The following TRPM6 variants were observed in gnomAD, a reference collection of about 807,000 sequenced individuals.
TRPM6 encodes channel kinase 2.
Under a neutral mutation model 247.6 loss-of-function variants are expected in TRPM6, and 111 were observed. The observed-to-expected ratio is 0.45, with a 90% CI of 0.38 to 0.52. TRPM6 has a LOEUF of 0.52. TRPM6 is among the 20% of genes least tolerant of loss of function. TRPM6 has a pLI of 0.00. For synonymous variants in TRPM6, 892 were observed against 853.8 expected, an observed-to-expected ratio of 1.04 and a Z score of -0.78; for missense variants, 2,126 against 2,421.5, an observed-to-expected ratio of 0.88 and a Z score of 2.56.
chr9:74,752,438 T>C, intron 28 of TRPM6, 70 bp from the exon 29 acceptor site: 3 of 889,600 alleles, frequency 3.4e-6, no homozygotes, highest in Admixed American at 2.0e-5. Context: ...AGTTCCCAAA[T>C]AGAAAAATCT....
Position 74,796,801 on chromosome 9 carries a change from G to A in TRPM6, c.2331C>T (p.Phe777=). The change falls in exon 18 of 39, where the codon TTC becomes TTT. Residue 777 remains phenylalanine (F), a synonymous_variant. Transcript: ENST00000360774. ...GGTCACTGTAATACCACATAAATTG[G>A]AAGTCCTGGGACTGGGGAACATGTG... is the stretch of plus-strand genomic sequence containing the variant. ...EMSHVPQSQD[F]QFMWYYSDQN... is the part of the protein sequence containing the mutation. 1.2e-6 allele frequency: 2 copies of A among 1,613,972 alleles called. No homozygotes were observed. The highest frequency in any genetic ancestry group is 1.7e-6 in the Non-Finnish European group (2 of 1,179,908).
chr9:74,792,878 TG>T (rs900132241), intron 18 of TRPM6, 108 bp from the exon 19 acceptor site: 8 of 1,121,658 alleles, frequency 7.1e-6, no homozygotes, highest in African/African-American at 6.2e-5. Flanking sequence ...ATTAGTTGGC[TG>T]GGGGCGGTGG....
intron 3 of TRPM6, among the ~76,000 whole-genome samples, chr9:74,853,292 C>T (rs568598625): frequency 4.5e-4 from 68 of 151,926 alleles, no homozygotes; most frequent in Admixed American, 1.2e-3. Context: ...CGTCTCCGCC[C>T]GGCAGCCGCC....
intron 6 of TRPM6, among the ~76,000 whole-genome samples, chr9:74,828,710 C>T (rs1313703723): frequency 6.7e-6 from 1 of 150,274 alleles, no homozygotes; most frequent in African/African-American, 2.5e-5. Context: ...CTCACTGCAA[C>T]CTTAGCCTCC....
chr9:74,883,635 G>A (rs1831434959), intron 1 of TRPM6, among the ~76,000 whole-genome samples: 1 of 152,036 alleles, frequency 6.6e-6, no homozygotes, highest in Non-Finnish European at 1.5e-5. Flanking sequence ...GTATTGACAT[G>A]GAAAAATCTA....
In TRPM6 at chr9:74,858,532, G is replaced by A. The variant is rs1474369062; in HGVS notation, c.113+137C>T. On this transcript the variant is annotated intron_variant, in intron 2 of 38. Transcript: ENST00000360774. ...AATAATCATGTATTATTTTTATAAA[G>A]TGAAAGAAATAAACATTGAAAATTC... 7 of 592,270 alleles carry A rather than the reference G, an allele frequency of 1.2e-5. No individual in the cohort carries two copies. The Admixed American group carries it at 1.9e-4, about 16-fold the overall frequency. 36.7% of individuals were successfully genotyped at this position (592,270 alleles called of 1,614,324 possible). A position where few individuals can be genotyped will look rare whatever the true frequency, so the allele number is the denominator to read the frequency against.
At chr9:74,886,340 G>A (rs1831527376) in intron 1 of TRPM6, among the ~76,000 whole-genome samples, 1 of 152,132 alleles carries the variant, frequency 6.6e-6, no homozygotes, top group African/African-American at 2.4e-5. Flanking sequence ...TATCAGTCCT[G>A]TAAGAACCCA....
At chr9:74,824,865 C>A (rs941218542) in intron 7 of TRPM6, among the ~76,000 whole-genome samples, 7 of 151,956 alleles carry the variant, frequency 4.6e-5, no homozygotes, top group African/African-American at 1.7e-4. Context: ...ATTCCTACAG[C>A]AACTTTATAA....
intron 12 of TRPM6, among the ~76,000 whole-genome samples, chr9:74,811,690 A>G (rs1192093413): frequency 6.6e-6 from 1 of 152,220 alleles, no homozygotes; most frequent in Non-Finnish European, 1.5e-5. Flanking sequence ...CTTTGGTTGA[A>G]GAGTCTATCT....
chr9:74,827,890 G>T lies in TRPM6; in HGVS notation c.729C>A (p.Ser243Arg), dbSNP rs779863546. 6.2e-7 allele frequency: 1 copy of T among 1,614,106 alleles called. No homozygotes were observed. The highest frequency in any genetic ancestry group is 1.1e-5 in the South Asian group (1 of 91,080). The change falls in exon 7 of 39, where the codon AGC becomes AGA. Residue 243 changes from serine to arginine, a missense_variant. Coordinates refer to ENST00000360774, the MANE Select transcript of TRPM6 (RefSeq NM_017662.5). ...CAGACAGGATGAAGTGCGAGTGCAT[G>T]CTGTTGAGTGTTGTGAGCTTGCTGA... ...NPLSKLTTLN[S>R]MHSHFILSDD...
chr9:74,730,851 A>C (rs528188631), intron 37 of TRPM6, among the ~76,000 whole-genome samples: 14 of 152,300 alleles, frequency 9.2e-5, no homozygotes, highest in Admixed American at 8.5e-4. Context: ...ACTGCATCCA[A>C]AATTGGGTAA....
At chr9:74,804,727 C>G in intron 14 of TRPM6, 1 of 833,172 alleles carries the variant, frequency 1.2e-6, no homozygotes. Flanking sequence ...GCAGCTCCCA[C>G]TGCTCAGGCC....
At chr9:74,742,676 T>C (rs1825902503) in intron 32 of TRPM6, 50 bp from the exon 33 acceptor site, 1 of 1,525,030 alleles carries the variant, frequency 6.6e-7, no homozygotes, top group Admixed American at 1.7e-5. Flanking sequence ...AGTGGCTGAA[T>C]TTACAGAAAG....
intron 11 of TRPM6, 86 bp from the exon 12 acceptor site, chr9:74,812,519 C>T: frequency 1.8e-6 from 2 of 1,123,272 alleles, no homozygotes; most frequent in African/African-American, 1.6e-5. Flanking sequence ...CTCAAAATTA[C>T]ACAAACACAA....
rs185751343 is a variant in TRPM6, at chr9:74,841,526, A to G, written c.330+640T>C. Among the ~76,000 whole-genome samples the G allele has an allele frequency of 1.2e-4, 18 of 151,792 alleles. No homozygotes were observed. In the East Asian group the frequency reaches 3.5e-3, roughly 29 times the overall value. On this transcript the variant is annotated intron_variant, in intron 4 of 38. Coordinates refer to ENST00000360774, the MANE Select transcript of TRPM6 (RefSeq NM_017662.5). Reference sequence around the variant, plus strand: ...ACTTCTTTTTTTTTTTCTTTTTGAGATGAAGTCTTATGCTGTCGCCCAGGC... The same window carrying G: ...ACTTCTTTTTTTTTTTCTTTTTGAGGTGAAGTCTTATGCTGTCGCCCAGGC...
chr9:74,872,279 C>T (rs953633260), intron 1 of TRPM6, among the ~76,000 whole-genome samples: 2 of 152,096 alleles, frequency 1.3e-5, no homozygotes, highest in African/African-American at 2.4e-5. Context: ...AGCCACCACA[C>T]TCAGCCAACA....
chr9:74,727,693 T>G (rs940090466), intron 38 of TRPM6, among the ~76,000 whole-genome samples: 3 of 152,248 alleles, frequency 2.0e-5, no homozygotes, highest in African/African-American at 7.2e-5. Flanking sequence ...CTTGCTTTTA[T>G]AGTAGGAATT....
chr9:74,878,169 G>A (rs1329585790), intron 1 of TRPM6, among the ~76,000 whole-genome samples: 1 of 152,038 alleles, frequency 6.6e-6, no homozygotes, highest in Non-Finnish European at 1.5e-5. Flanking sequence ...CACCAGCATG[G>A]ATCACTTGGG....
chr9:74,803,439 G>A (rs1247040675), intron 15 of TRPM6, among the ~76,000 whole-genome samples: 1 of 152,128 alleles, frequency 6.6e-6, no homozygotes, highest in South Asian at 2.1e-4. Flanking sequence ...AGAAAAGAAG[G>A]AAACAGACTT....
Sources: gnomAD v4.1 joint callset for allele counts (sites outside exome capture counted in the v4.1 genomes callset) on GRCh38, gnomAD v4.1.1 for gene constraint, MANE v1.5 for transcripts, NCBI Gene and HGNC (gene_info 2026-07-23, HGNC 2026-07-21) for gene names.